Variants in ST6GALNAC3 observed in about 807,000 individuals in gnomAD.
The protein encoded by ST6GALNAC3 is alpha-N-acetylgalactosaminide alpha-2,6-sialyltransferase 3.
ST6GALNAC3 carries 25 observed loss-of-function variants against 32.7 expected under a neutral mutation model. That is an observed-to-expected ratio of 0.76 (90% CI 0.56 to 1.07). ST6GALNAC3 has a LOEUF of 1.07. Among genes scored for constraint, ST6GALNAC3 ranks in the 50% least tolerant of loss-of-function variants. ST6GALNAC3 has a pLI of 0.00. For synonymous variants in ST6GALNAC3, 129 were observed against 133.1 expected (o/e 0.97, Z 0.21); for missense variants, 355 against 382.4 (o/e 0.93, Z 0.60).
chr1:76,245,124 T>A, intron 1 of ST6GALNAC3, among the ~76,000 whole-genome samples: 1 of 152,208 alleles, frequency 6.6e-6, no homozygotes, highest in East Asian at 1.9e-4. Context: ...GTTATTGGTG[T>A]ATTTAGAGAT....
chr1:76,180,834 TA>T (rs1476021847), intron 1 of ST6GALNAC3, among the ~76,000 whole-genome samples: 1 of 152,108 alleles, frequency 6.6e-6, no homozygotes, highest in Non-Finnish European at 1.5e-5. Context: ...CACCACCCAG[TA>T]AAACCCCACA....
At chr1:76,291,688 GA>G (rs751376382) in intron 1 of ST6GALNAC3, among the ~76,000 whole-genome samples, 3 of 151,642 alleles carry the variant, frequency 2.0e-5, no homozygotes, top group African/African-American at 7.3e-5. Context: ...AATTGCAAAA[GA>G]AAAAAATGCT....
At chr1:76,579,694 G>T (rs1040450061) in intron 3 of ST6GALNAC3, among the ~76,000 whole-genome samples, 1 of 151,948 alleles carries the variant, frequency 6.6e-6, no homozygotes, top group Admixed American at 6.6e-5. Context: ...GCTTCTCACA[G>T]TCTAGTTTTT....
rs76375485 is a variant in ST6GALNAC3 at position 76,590,835 on chromosome 1, C to A, written c.624-36617C>A. ...TTGTGTCCATTTTCTCTGGAAAGTG[C>A]ATATGATAACAGGGCTCACCTTGGT... On this transcript the variant is annotated intron_variant, in intron 3 of 4. Transcript: ENST00000328299. 3.4e-3 allele frequency among the ~76,000 whole-genome samples: 523 copies of A among 152,226 alleles called. 7 individuals carry two copies. In the East Asian group the frequency reaches 0.043, roughly 12 times the overall value.
chr1:76,580,952 TG>T (rs1646883642), intron 3 of ST6GALNAC3, among the ~76,000 whole-genome samples: 1 of 151,984 alleles, frequency 6.6e-6, no homozygotes, highest in South Asian at 2.1e-4. Flanking sequence ...TGCTTTGGAG[TG>T]TTATGGGATT....
chr1:76,580,319 A>G (rs1354585690), intron 3 of ST6GALNAC3, among the ~76,000 whole-genome samples: 1 of 152,074 alleles, frequency 6.6e-6, no homozygotes, highest in African/African-American at 2.4e-5. Context: ...TGTAGGGGAT[A>G]TGGAATCCCA....
chr1:76,546,993 G>GA (rs912779169), intron 3 of ST6GALNAC3, among the ~76,000 whole-genome samples: 6 of 152,212 alleles, frequency 3.9e-5, no homozygotes, highest in African/African-American at 1.4e-4. Context: ...TTTAGCTACA[G>GA]AAAGCTAAGG....
At chr1:76,236,716 G>T (rs916017129) in intron 1 of ST6GALNAC3, among the ~76,000 whole-genome samples, 1 of 152,070 alleles carries the variant, frequency 6.6e-6, no homozygotes, top group Non-Finnish European at 1.5e-5. Context: ...TTTGAATAAT[G>T]GAAGAAGGTT....
intron 1 of ST6GALNAC3, among the ~76,000 whole-genome samples, chr1:76,266,549 A>G (rs919911014): frequency 2.0e-5 from 3 of 152,188 alleles, no homozygotes; most frequent in African/African-American, 7.2e-5. Flanking sequence ...TCTACCTATG[A>G]AAGTAACATT....
chr1:76,278,218 G>C (rs1266159831), intron 1 of ST6GALNAC3, among the ~76,000 whole-genome samples: 1 of 108,040 alleles, frequency 9.3e-6, no homozygotes, highest in Non-Finnish European at 1.6e-5. Flanking sequence ...TTATTGCTAG[G>C]CATTCTTTTT....
chr1:76,106,369 G>C (rs1315548144), intron 1 of ST6GALNAC3, among the ~76,000 whole-genome samples: 2 of 152,156 alleles, frequency 1.3e-5, no homozygotes, highest in Admixed American at 1.3e-4. Context: ...GTGCAAGAGG[G>C]GCTGACAGAA....
chr1:76,418,675 C>T (rs1394307636), intron 3 of ST6GALNAC3, among the ~76,000 whole-genome samples: 1 of 151,940 alleles, frequency 6.6e-6, no homozygotes, highest in Non-Finnish European at 1.5e-5. Flanking sequence ...AGGAGCAATG[C>T]TGACAAACCT....
intron 3 of ST6GALNAC3, among the ~76,000 whole-genome samples, chr1:76,501,690 G>T (rs890694789): frequency 1.3e-5 from 2 of 152,288 alleles, no homozygotes; most frequent in African/African-American, 4.8e-5. Context: ...GAAGAACGAG[G>T]AACAAAGCTT....
intron 1 of ST6GALNAC3, among the ~76,000 whole-genome samples, chr1:76,123,740 C>G (rs1205760489): frequency 1.4e-5 from 2 of 147,116 alleles, no homozygotes; most frequent in African/African-American, 5.0e-5. Flanking sequence ...CCCAGGCCTA[C>G]TCATTTTAAT....
chr1:76,201,611 G>A (rs1311765824), intron 1 of ST6GALNAC3, among the ~76,000 whole-genome samples: 1 of 152,032 alleles, frequency 6.6e-6, no homozygotes, highest in African/African-American at 2.4e-5. Context: ...TAGCTTCCCT[G>A]CTTAGGAAGT....
intron 1 of ST6GALNAC3, among the ~76,000 whole-genome samples, chr1:76,129,198 C>T (rs1421981273): frequency 6.6e-6 from 1 of 152,168 alleles, no homozygotes; most frequent in Non-Finnish European, 1.5e-5. Context: ...CCTCTCCTTT[C>T]CTGTGGGGTC....
chr1:76,615,792 T>C (rs1648252981), intron 3 of ST6GALNAC3, among the ~76,000 whole-genome samples: 1 of 152,196 alleles, frequency 6.6e-6, no homozygotes, highest in Admixed American at 6.5e-5. Flanking sequence ...GTTTTCTCTT[T>C]ATGACATTTT....
chr1:76,580,167 G>GATTTAAAAT (rs984620036), intron 3 of ST6GALNAC3, among the ~76,000 whole-genome samples: 1 of 152,020 alleles, frequency 6.6e-6, no homozygotes, highest in African/African-American at 2.4e-5. Flanking sequence ...AGAACACATG[G>GATTTAAAAT]ATTTAAAATT....
intron 3 of ST6GALNAC3, among the ~76,000 whole-genome samples, chr1:76,611,603 G>A (rs577579844): frequency 6.6e-6 from 1 of 152,238 alleles, no homozygotes; most frequent in Non-Finnish European, 1.5e-5. Context: ...AAAACTTATA[G>A]TCCATTCCTC....
Sources: allele counts gnomAD v4.1 joint callset (sites outside exome capture counted in the v4.1 genomes callset), GRCh38; gene constraint gnomAD v4.1.1; transcripts MANE v1.5; gene names NCBI Gene and HGNC (gene_info 2026-07-23, HGNC 2026-07-21).